The following N4BP1 variants were observed in gnomAD, a reference collection of about 807,000 sequenced individuals.
The protein encoded by N4BP1 is NEDD4-binding protein 1.
A neutral mutation model predicts 70.9 loss-of-function variants in N4BP1; 21 were observed. The ratio of observed to expected loss-of-function variants is 0.30; its 90% CI spans 0.21 to 0.43. The LOEUF is 0.43. N4BP1 is among the 20% of genes least tolerant of loss of function. N4BP1 has a pLI of 1.00. For missense variants in N4BP1, 936 were observed against 1,069.4 expected (o/e 0.88, Z 1.74); for synonymous variants, 387 against 394.6 (o/e 0.98, Z 0.23).
chr16:48,597,939 A>G (rs1360493627), intron 1 of N4BP1, among the ~76,000 whole-genome samples: 2 of 152,236 alleles, frequency 1.3e-5, no homozygotes, highest in African/African-American at 4.8e-5. Context: ...CTCACAATGG[A>G]ACAATCACAT....
intron 2 of N4BP1, among the ~76,000 whole-genome samples, chr16:48,554,172 G>A (rs1963716558): frequency 8.4e-6 from 1 of 119,262 alleles, no homozygotes; most frequent in Non-Finnish European, 1.7e-5. Context: ...GGGAAAAAAG[G>A]TAAAAAAAAA....
rs1963616230 is a variant in N4BP1, at chr16:48,548,203, T to C, written c.2118-89A>G. ...ATAAGAAGAGAATATTTCCTCTTCA[T>C]AGGAAAACCATCAAAGAATTTAACC... is the stretch of plus-strand genomic sequence containing the variant. On this transcript the variant is annotated intron_variant, in intron 4 of 6. Coordinates refer to ENST00000262384, the MANE Select transcript of N4BP1 (RefSeq NM_153029.4). The C allele has an allele frequency of 5.1e-6, 4 of 779,936 alleles. No individual in the cohort carries two copies. In the South Asian group the frequency reaches 6.4e-5, roughly 13 times the overall value. The allele number at this position is 779,936 out of a possible 1,614,324, so 48.3% of individuals were successfully genotyped here. A position where few individuals can be genotyped will look rare whatever the true frequency, so the allele number is the denominator to read the frequency against.
intron 1 of N4BP1, 71 bp downstream of exon 1, chr16:48,609,704 G>C (rs1056506992): frequency 2.5e-6 from 3 of 1,195,902 alleles, no homozygotes; most frequent in Middle Eastern, 3.2e-4. Context: ...GGCGGGGGCG[G>C]GGAGGAGCGG....
In N4BP1 at chr16:48,562,025, T is replaced by A. The variant is rs754090712; in HGVS notation, c.618A>T (p.Glu206Asp). 1 of 1,613,912 alleles carries A rather than the reference T, an allele frequency of 6.2e-7. No homozygotes were observed. Among genetic ancestry groups the A allele is most frequent in the Non-Finnish European group, 8.5e-7 (1 of 1,179,888 alleles). The change falls in exon 2 of 7, where the codon GAA (glutamate) becomes GAT (aspartate). Residue 206 changes from glutamate (E) to aspartate (D), a missense_variant. Glu to Asp is a conservative substitution (Grantham distance 45). Around this residue, in one of 4 missense-constraint regions of N4BP1, gnomAD observed 515 missense variants for 491.7 expected, o/e 1.05. Transcript: ENST00000262384. Reference sequence around the variant, plus strand: ...ACTCTGTTTGTTGAGAATCTCTCATTTCAATAACCTCATCATCTCCTGTTT... The same window carrying A: ...ACTCTGTTTGTTGAGAATCTCTCATATCAATAACCTCATCATCTCCTGTTT... ...LFETGDDEVIEMRDSQQTEFT... is the reference protein window; with the variant it reads ...LFETGDDEVIDMRDSQQTEFT...
chr16:48,551,456 C>T lies in N4BP1; in HGVS notation c.2047G>A (p.Glu683Lys). The T allele has an allele frequency of 6.2e-7, 1 of 1,613,388 alleles. No individual in the cohort carries two copies. The highest frequency in any genetic ancestry group is 8.5e-7 in the Non-Finnish European group (1 of 1,179,496). ...GGAGTTAAAGATAATATTCCGAGCT[C>T]CTGGAGCTGGGTTAAGAAGTGCTGT... ...TEQHFLTQLQ[E>K]LGILSLTPAR... is the part of the protein sequence containing the mutation. Residue 683 changes from glutamate (E) to lysine (K), a missense_variant, in exon 4 of 7, where the codon GAG becomes AAG. Transcript: ENST00000262384.
intron 1 of N4BP1, among the ~76,000 whole-genome samples, chr16:48,582,968 C>T (rs1964195332): frequency 6.6e-6 from 1 of 152,126 alleles, no homozygotes; most frequent in South Asian, 2.1e-4. Flanking sequence ...CGCCTGTGGT[C>T]CCATCTACTC....
chr16:48,556,530 A>G (rs544137603), intron 2 of N4BP1, among the ~76,000 whole-genome samples: 1 of 152,370 alleles, frequency 6.6e-6, no homozygotes, highest in African/African-American at 2.4e-5. Flanking sequence ...TTCCAAATGC[A>G]GAATGAACAG....
chr16:48,546,921 A>G (rs1963599074), intron 5 of N4BP1, among the ~76,000 whole-genome samples: 1 of 152,208 alleles, frequency 6.6e-6, no homozygotes, highest in South Asian at 2.1e-4. Flanking sequence ...AATACTGACA[A>G]TGAGCCCAGG....
chr16:48,608,968 A>C (rs1435846195), intron 1 of N4BP1, among the ~76,000 whole-genome samples: 1 of 151,400 alleles, frequency 6.6e-6, no homozygotes, highest in Non-Finnish European at 1.5e-5. Context: ...TAGTCCCAGC[A>C]CTTTGGGTGA....
At chr16:48,588,467 G>A (rs767765012) in intron 1 of N4BP1, among the ~76,000 whole-genome samples, 4 of 151,904 alleles carry the variant, frequency 2.6e-5, no homozygotes, top group Non-Finnish European at 5.9e-5. Context: ...GCTAATTTTT[G>A]TATTTTTAGT....
intron 1 of N4BP1, among the ~76,000 whole-genome samples, chr16:48,582,774 G>A (rs1197180999): frequency 1.3e-5 from 2 of 152,162 alleles, no homozygotes; most frequent in African/African-American, 4.8e-5. Context: ...CGTATCCCCA[G>A]CAGATAAGGG....
chr16:48,595,456 CAAA>C (rs373163833), intron 1 of N4BP1, among the ~76,000 whole-genome samples: 2 of 57,486 alleles, frequency 3.5e-5, no homozygotes, highest in African/African-American at 6.4e-5. Context: ...GACTCTGTCT[CAAA>C]AAAAAAAAAA....
intron 3 of N4BP1, among the ~76,000 whole-genome samples, chr16:48,552,699 G>GAAAAAAAAAAA (rs71134556): frequency 5.4e-5 from 1 of 18,504 alleles, no homozygotes; most frequent in African/African-American, 1.3e-4. Context: ...CTCCGTCTCA[G>GAAAAAAAAAAA]AAAAAAAAAA....
At chr16:48,585,887 G>C (rs868273684) in intron 1 of N4BP1, among the ~76,000 whole-genome samples, 4 of 152,008 alleles carry the variant, frequency 2.6e-5, no homozygotes, top group Admixed American at 6.6e-5. Flanking sequence ...GTAGAGATGA[G>C]GTTTCATCAC....
At chr16:48,588,431 A>G (rs1376056504) in intron 1 of N4BP1, among the ~76,000 whole-genome samples, 1 of 151,476 alleles carries the variant, frequency 6.6e-6, no homozygotes, top group East Asian at 1.9e-4. Flanking sequence ...AGTAGTTGGG[A>G]TTACAGGCAC....
At chr16:48,582,072 T>C (rs559679038) in intron 1 of N4BP1, among the ~76,000 whole-genome samples, 1 of 151,922 alleles carries the variant, frequency 6.6e-6, no homozygotes, top group Admixed American at 6.6e-5. Flanking sequence ...TATCCAAAAA[T>C]ATAAAAGGAA....
chr16:48,606,317 T>A (rs565518798), intron 1 of N4BP1, among the ~76,000 whole-genome samples: 1 of 152,316 alleles, frequency 6.6e-6, no homozygotes, highest in South Asian at 2.1e-4. Context: ...GCAACAATGT[T>A]CATTTCACTG....
intron 1 of N4BP1, among the ~76,000 whole-genome samples, chr16:48,585,229 G>A (rs1034230833): frequency 5.9e-5 from 9 of 152,008 alleles, no homozygotes; most frequent in East Asian, 3.9e-4. Flanking sequence ...CACGTCACTC[G>A]GCCTACACAT....
chr16:48,589,020 A>G (rs79381611), intron 1 of N4BP1, among the ~76,000 whole-genome samples: 2,062 of 152,256 alleles, frequency 0.014, 44 homozygotes, highest in African/African-American at 0.047. Flanking sequence ...ACATATTTAC[A>G]TTAAATAACA....
Sources: allele counts gnomAD v4.1 joint callset (sites outside exome capture counted in the v4.1 genomes callset), GRCh38; gene constraint gnomAD v4.1.1; regional missense constraint gnomAD v4.1.1; transcripts MANE v1.5; gene names NCBI Gene and HGNC (gene_info 2026-07-23, HGNC 2026-07-21).